The following METTL16 variants were observed in gnomAD, a reference collection of about 807,000 sequenced individuals.
METTL16 encodes the protein methyltransferase 16, RNA N6-adenosine.
A neutral mutation model predicts 57.9 loss-of-function variants in METTL16; 19 were observed. The observed-to-expected ratio is 0.33, with a 90% CI of 0.23 to 0.48. The LOEUF (loss-of-function observed/expected upper bound fraction) is 0.48. METTL16 is among the 20% of genes least tolerant of loss of function. The pLI, the probability that METTL16 is intolerant of heterozygous loss-of-function variation, is 0.99. For missense variants in METTL16, 434 were observed against 691.5 expected (o/e 0.63, Z 4.18); for synonymous variants, 246 against 255.6 (o/e 0.96, Z 0.36).
chr17:2,510,683 T>C (rs1198697916), intron 1 of METTL16, among the ~76,000 whole-genome samples: 1 of 152,066 alleles, frequency 6.6e-6, no homozygotes, highest in African/African-American at 2.4e-5. Flanking sequence ...TTCTTCTTGT[T>C]GAGACAAGGT....
chr17:2,482,528 G>A (rs905956928), intron 2 of METTL16, among the ~76,000 whole-genome samples: 2 of 152,154 alleles, frequency 1.3e-5, no homozygotes, highest in South Asian at 2.1e-4. Flanking sequence ...AAATGGAGAG[G>A]GAGTGCCTCA....
intron 2 of METTL16, among the ~76,000 whole-genome samples, chr17:2,495,694 CAAAAA>C (rs58828846): frequency 1.7e-5 from 2 of 114,768 alleles, no homozygotes; most frequent in Non-Finnish European, 3.7e-5. Context: ...GACTCTGTCT[CAAAAA>C]AAAAAAAAAA....
rs192703315 is a variant in METTL16, at chr17:2,504,674, G to A, written c.1-2343C>T. On this transcript the variant is annotated intron_variant, in intron 1 of 9. Transcript: ENST00000263092. ...ATGCTCAAACAGTCCTTCCACCTCA[G>A]CCTCCCGAGTAGCTGGGACTATAGG... is the stretch of plus-strand genomic sequence containing the variant. 2.6e-5 allele frequency among the ~76,000 whole-genome samples: 4 copies of A among 152,236 alleles called. No homozygotes were observed. The East Asian group carries it at 5.8e-4, about 22-fold the overall frequency.
chr17:2,419,509 T>C lies in METTL16; in HGVS notation c.*461A>G. On this transcript the variant is annotated 3_prime_UTR_variant, in exon 10 of 10. Coordinates refer to ENST00000263092, the MANE Select transcript of METTL16 (RefSeq NM_024086.4). ...TGGGATTGATGCAAGGTAGGCCCCA[T>C]CTTGAAGAGTGACCTAGAACAGGGT... is the stretch of plus-strand genomic sequence containing the variant. 2.4e-6 allele frequency: 1 copy of C among 410,306 alleles called. No individual in the cohort carries two copies. Among genetic ancestry groups the C allele is most frequent in the East Asian group, 7.1e-5 (1 of 14,140 alleles). The allele number at this position is 410,306 out of a possible 1,614,324, so 25.4% of individuals were successfully genotyped here. A position where few individuals can be genotyped will look rare whatever the true frequency, so the allele number is the denominator to read the frequency against.
In METTL16 at chr17:2,473,614, A is replaced by G; in HGVS notation, c.379T>C (p.Trp127Arg). 1 of 1,614,158 alleles carries G rather than the reference A, an allele frequency of 6.2e-7. No homozygotes were observed. The highest frequency in any genetic ancestry group is 8.5e-7 in the Non-Finnish European group (1 of 1,180,014). ...YPLLGATLNGWYFLATEVDDM... is the reference protein window; with the variant it reads ...YPLLGATLNGRYFLATEVDDM... ...TCCACTTCTGTTGCGAGGAAATACCAGCCATTCAAGGTTGCTCCAAGTAAG... is the reference window on the plus strand; with the variant it reads ...TCCACTTCTGTTGCGAGGAAATACCGGCCATTCAAGGTTGCTCCAAGTAAG... The change falls in exon 4 of 10, where the codon TGG becomes CGG. Residue 127 changes from tryptophan (W) to arginine (R), a missense_variant. Trp to Arg is a moderately radical substitution (Grantham distance 101). This residue lies in a region of METTL16 where 118 missense variants were observed against 280.0 expected (regional missense o/e 0.42). Transcript: ENST00000263092.
chr17:2,501,237 G>A (rs1335299725), intron 2 of METTL16, among the ~76,000 whole-genome samples: 1 of 152,150 alleles, frequency 6.6e-6, no homozygotes, highest in Non-Finnish European at 1.5e-5. Context: ...AGACCAGCCT[G>A]GGCAATATGA....
chr17:2,442,375 C>T (rs2066959396), intron 6 of METTL16, among the ~76,000 whole-genome samples: 1 of 152,132 alleles, frequency 6.6e-6, no homozygotes, highest in Non-Finnish European at 1.5e-5. Context: ...GAAATTCAAA[C>T]ACAGTCCAAC....
At position 2,420,343 on chromosome 17, in the gene METTL16, C is replaced by G; in HGVS notation, c.1316G>C (p.Gly439Ala). 6.2e-7 allele frequency: 1 copy of G among 1,611,828 alleles called. No homozygotes were observed. The highest frequency in any genetic ancestry group is 8.5e-7 in the Non-Finnish European group (1 of 1,180,022). Reference sequence around the variant, plus strand: ...CGGGCCCTCCACAGCGGCAGCCTCGCCTTCCCGCAGAGCAGGCCCACAGGG... The same window carrying G: ...CGGGCCCTCCACAGCGGCAGCCTCGGCTTCCCGCAGAGCAGGCCCACAGGG... ...RTPCGPALRE[G>A]EAAAVEGPCP... Residue 439 changes from glycine to alanine, a missense_variant, in exon 10 of 10, where the codon GGC becomes GCC. This residue lies in a region of METTL16 where 168 missense variants were observed against 149.6 expected (regional missense o/e 1.12). Coordinates refer to ENST00000263092, the MANE Select transcript of METTL16 (RefSeq NM_024086.4). The surrounding 1 kb of genome is among the most constrained non-coding windows in gnomAD (Gnocchi z 5.4).
intron 1 of METTL16, 136 bp from the exon 2 acceptor site, chr17:2,502,467 C>G: frequency 1.5e-6 from 1 of 686,704 alleles, no homozygotes; most frequent in East Asian, 2.8e-5. Flanking sequence ...TTCAGGAGTT[C>G]AAGACCATCC....
chr17:2,435,002 G>A (rs536531052), intron 8 of METTL16, among the ~76,000 whole-genome samples: 2 of 152,284 alleles, frequency 1.3e-5, no homozygotes, highest in South Asian at 2.1e-4. Flanking sequence ...GGCAATTAGC[G>A]GAGAGCTGGA....
intron 4 of METTL16, among the ~76,000 whole-genome samples, chr17:2,471,556 G>A (rs1039516399): frequency 6.6e-6 from 1 of 152,200 alleles, no homozygotes; most frequent in Middle Eastern, 3.4e-3. Flanking sequence ...TTGGGAGGCC[G>A]AGGCGGGCAG....
intron 4 of METTL16, among the ~76,000 whole-genome samples, chr17:2,469,060 C>A (rs2067220456): frequency 6.6e-6 from 1 of 151,748 alleles, no homozygotes; most frequent in Admixed American, 6.6e-5. Flanking sequence ...CATGGTGAAA[C>A]CCTGTCCCTA....
At chr17:2,492,428 C>CT (rs1039055745) in intron 2 of METTL16, among the ~76,000 whole-genome samples, 1 of 152,016 alleles carries the variant, frequency 6.6e-6, no homozygotes, top group African/African-American at 2.4e-5. Context: ...CAATCCTTGC[C>CT]ACCTTACTTA....
At chr17:2,440,970 C>CAAAAAAAAAAAAAAAAAAAAAAA (rs760521188) in intron 7 of METTL16, among the ~76,000 whole-genome samples, 1 of 34,042 alleles carries the variant, frequency 2.9e-5, no homozygotes, top group Non-Finnish European at 7.7e-5. Flanking sequence ...GACTTGATCT[C>CAAAAAAAAAAAAAAAAAAAAAAA]AAAAAAAAAA....
intron 8 of METTL16, among the ~76,000 whole-genome samples, chr17:2,424,852 G>A (rs2066805327): frequency 6.6e-6 from 1 of 152,154 alleles, no homozygotes; most frequent in Non-Finnish European, 1.5e-5. Context: ...GGAGGCTGAG[G>A]TGGGAGAATG....
chr17:2,501,066 G>A (rs1196965134), intron 2 of METTL16, among the ~76,000 whole-genome samples: 4 of 152,074 alleles, frequency 2.6e-5, no homozygotes, highest in East Asian at 1.9e-4. Flanking sequence ...GCAGTGAGGC[G>A]AGACTGCACC....
intron 6 of METTL16, among the ~76,000 whole-genome samples, chr17:2,457,449 G>A (rs1329221783): frequency 6.6e-6 from 1 of 151,518 alleles, no homozygotes; most frequent in Non-Finnish European, 1.5e-5. Flanking sequence ...GCTCACGCCT[G>A]TAATCCCAGC....
Position 2,420,678 on chromosome 17 carries a change from GAAAAAA to G in METTL16, c.1062+47_1062+52del, listed in dbSNP as rs1340630091. On this transcript the variant is annotated intron_variant, in intron 9 of 9. Coordinates refer to ENST00000263092, the MANE Select transcript of METTL16 (RefSeq NM_024086.4). The surrounding 1 kb of genome is among the most constrained non-coding windows in gnomAD (Gnocchi z 5.4). The stretch of plus-strand genomic sequence containing the variant: ...TCTCAATAAAAAAAAAAAGAAAAAA[GAAAAAA>G]GAGAAGGATCATTATGAGTACTTCG... 6.4e-7 allele frequency: 1 copy of G among 1,560,510 alleles called. No homozygotes were observed. The highest frequency in any genetic ancestry group is 2.2e-5 in the East Asian group (1 of 44,480).
intron 6 of METTL16, among the ~76,000 whole-genome samples, chr17:2,447,222 T>C (rs1947027109): frequency 6.8e-6 from 1 of 147,574 alleles, no homozygotes; most frequent in South Asian, 2.2e-4. Flanking sequence ...GGGGAGCACC[T>C]CTGACCCGCC....
Sources: gnomAD v4.1 joint callset for allele counts (sites outside exome capture counted in the v4.1 genomes callset) on GRCh38, gnomAD v4.1.1 for gene constraint, gnomAD v4.1.1 regional missense constraint, Gnocchi (gnomAD v3.1) non-coding constraint, MANE v1.5 for transcripts, NCBI Gene and HGNC (gene_info 2026-07-23, HGNC 2026-07-21) for gene names.